RIC3: variants seen among roughly 807,000 people sequenced by gnomAD.
RIC3 encodes the protein protein RIC-3.
RIC3 carries 28 observed loss-of-function variants against 27.3 expected under a neutral mutation model. The ratio of observed to expected loss-of-function variants is 1.02; its 90% CI spans 0.76 to 1.41. The LOEUF (loss-of-function observed/expected upper bound fraction) is 1.41. Among genes scored for constraint, RIC3 ranks in the 40% most tolerant of loss-of-function variants. The pLI is 0.00. For missense variants in RIC3, 501 were observed against 444.7 expected, an observed-to-expected ratio of 1.13 and a Z score of -1.14; for synonymous variants, 184 against 160.4, an observed-to-expected ratio of 1.15 and a Z score of -1.11.
At chr11:8,114,477 G>C (rs113558721) in intron 5 of RIC3, among the ~76,000 whole-genome samples, 7,255 of 151,946 alleles carry the variant, frequency 0.048, 266 homozygotes, top group African/African-American at 0.1. Context: ...GTGGTGGCAG[G>C]CGCCTGTAAT....
chr11:8,094,070 G>T, the RIC3 span: 4 of 1,614,202 alleles, frequency 2.5e-6, no homozygotes, highest in East Asian at 2.2e-5. Context: ...TCACTCGCCA[G>T]TGTGCAGCTG....
chr11:8,147,493 G>A (rs1489758545), intron 1 of RIC3, among the ~76,000 whole-genome samples: 1 of 152,274 alleles, frequency 6.6e-6, no homozygotes, highest in African/African-American at 2.4e-5. Flanking sequence ...TCTATAGAAT[G>A]TGGATCTTTC....
At chr11:8,133,831 G>A (rs1279884604) in intron 4 of RIC3, among the ~76,000 whole-genome samples, 2 of 152,150 alleles carry the variant, frequency 1.3e-5, no homozygotes, top group Admixed American at 6.5e-5. Context: ...TACATGGACT[G>A]AATGGTGGAG....
chr11:8,168,853 G>C lies in RIC3; in HGVS notation c.124+13C>G. 1 of 1,610,586 alleles carries C rather than the reference G, an allele frequency of 6.2e-7. No homozygotes were observed. Among genetic ancestry groups the C allele is most frequent in the Middle Eastern group, 1.7e-4 (1 of 6,046 alleles). On this transcript the variant is annotated intron_variant, in intron 1 of 5. Transcript: ENST00000309737. ...GGCGCCGGGAAGCTCAGAGGGAGCTGGCCTGCTCTTACCTTCAGGTGTCGG... is the reference window on the plus strand; with the variant it reads ...GGCGCCGGGAAGCTCAGAGGGAGCTCGCCTGCTCTTACCTTCAGGTGTCGG...
rs138713315 is a variant in RIC3, at chr11:8,138,768, T to C, written c.352-421A>G. ...ACTTGTCAAAGCAAGCATGAGGTCA[T>C]AGCCTGTTCCTCTTCCTTATATGAA... On this transcript the variant is annotated intron_variant, in intron 2 of 5. Transcript: ENST00000309737. The C allele has an allele frequency of 5.7e-3, 1,345 of 236,094 alleles. 33 individuals are homozygous for C. The highest frequency in any genetic ancestry group is 0.053 in the Admixed American group (976 of 18,396). 14.6% of individuals were successfully genotyped at this position (236,094 alleles called of 1,614,324 possible). A position where few individuals can be genotyped will look rare whatever the true frequency, so the allele number is the denominator to read the frequency against.
At chr11:8,095,909 C>T in the RIC3 span, among the ~76,000 whole-genome samples, 11 of 152,330 alleles carry the variant, frequency 7.2e-5, no homozygotes, top group African/African-American at 2.6e-4. Context: ...GCTCCTTTTG[C>T]AAGAAGTTTC....
intron 2 of RIC3, chr11:8,139,558 G>A (rs1230068653): frequency 5.8e-6 from 1 of 173,554 alleles, no homozygotes; most frequent in Non-Finnish European, 1.2e-5. Context: ...ATGGCTATTT[G>A]GAAATCACTG....
intron 4 of RIC3, among the ~76,000 whole-genome samples, chr11:8,133,575 G>C (rs957898242): frequency 6.6e-6 from 1 of 152,176 alleles, no homozygotes; most frequent in African/African-American, 2.4e-5. Flanking sequence ...CACAACCTTT[G>C]CCATGCTGCA....
chr11:8,095,134 G>A, the RIC3 span, among the ~76,000 whole-genome samples: 5 of 152,228 alleles, frequency 3.3e-5, no homozygotes, highest in Admixed American at 6.5e-5. Flanking sequence ...GTAGCTGGTC[G>A]TGTCCATGAA....
chr11:8,136,575 G>T (rs577367359), intron 4 of RIC3, among the ~76,000 whole-genome samples: 2 of 152,200 alleles, frequency 1.3e-5, no homozygotes, highest in East Asian at 3.9e-4. Context: ...CTGGTAGCAA[G>T]AGGAGTGTCT....
In RIC3 at chr11:8,107,816, AG is replaced by A. The variant is rs1944838989; in HGVS notation, c.*2881del. Reference sequence around the variant, plus strand: ...TGTTTTGTGAGCTAACTGTCCATAAAGGTATGACTTGTGTACTCTGCCACAG... The same window carrying A: ...TGTTTTGTGAGCTAACTGTCCATAAAGTATGACTTGTGTACTCTGCCACAG... On this transcript the variant is annotated 3_prime_UTR_variant, in exon 6 of 6. Coordinates refer to ENST00000309737, the MANE Select transcript of RIC3 (RefSeq NM_001206671.4). 6.6e-6 allele frequency: 1 copy of A among 152,192 alleles called. No individual in the cohort carries two copies. The highest frequency in any genetic ancestry group is 2.1e-4 in the South Asian group (1 of 4,834). The allele number at this position is 152,192 out of a possible 1,614,324, so 9.4% of individuals were successfully genotyped here.
downstream of RIC3, chr11:8,101,800 G>A (rs1944319426): frequency 3.4e-5 from 37 of 1,104,214 alleles, no homozygotes; most frequent in Non-Finnish European, 4.3e-5. Context: ...ACTGAGGCAG[G>A]GGAGTAGTGG....
chr11:8,149,195 A>AAAAT (rs1023252130), intron 1 of RIC3, among the ~76,000 whole-genome samples: 8 of 151,056 alleles, frequency 5.3e-5, no homozygotes, highest in Admixed American at 4.0e-4. Flanking sequence ...TCTTGTCTCA[A>AAAAT]AAATAAATAA....
chr11:8,142,479 A>G (rs1949189501), intron 1 of RIC3, among the ~76,000 whole-genome samples: 1 of 150,566 alleles, frequency 6.6e-6, no homozygotes, highest in Admixed American at 6.6e-5. Context: ...TAAACCAGGA[A>G]GAAGTTGAAT....
At chr11:8,138,476 A>G in intron 2 of RIC3, 129 bp from the exon 3 acceptor site, 3 of 569,856 alleles carry the variant, frequency 5.3e-6, no homozygotes, top group Non-Finnish European at 9.3e-6. Flanking sequence ...AAATAGCAAC[A>G]CTAGAGAAAT....
At chr11:8,135,432 G>A (rs947748654) in intron 4 of RIC3, 5 of 152,184 alleles carry the variant, frequency 3.3e-5, no homozygotes, top group African/African-American at 1.2e-4. Flanking sequence ...CTCCAGCTTT[G>A]TTCTTTTGGC....
At chr11:8,153,773 G>A (rs2134157782) in intron 1 of RIC3, among the ~76,000 whole-genome samples, 1 of 152,160 alleles carries the variant, frequency 6.6e-6, no homozygotes, top group South Asian at 2.1e-4. Context: ...CTTCTTGTAT[G>A]TCTACCACCT....
chr11:8,134,651 G>C (rs1010835567), intron 4 of RIC3, among the ~76,000 whole-genome samples: 4 of 152,194 alleles, frequency 2.6e-5, no homozygotes, highest in East Asian at 1.9e-4. Context: ...ATCCTCTCCA[G>C]CACCTGTTAT....
chr11:8,163,331 T>C (rs939246263), intron 1 of RIC3, among the ~76,000 whole-genome samples: 1 of 152,112 alleles, frequency 6.6e-6, no homozygotes, highest in Non-Finnish European at 1.5e-5. Flanking sequence ...TGCCCCCAGA[T>C]AACATTACAT....
Sources: allele counts gnomAD v4.1 joint callset (sites outside exome capture counted in the v4.1 genomes callset), GRCh38; gene constraint gnomAD v4.1.1; transcripts MANE v1.5; gene names NCBI Gene and HGNC (gene_info 2026-07-23, HGNC 2026-07-21).